COL4A5: variants seen among roughly 807,000 people sequenced by gnomAD.
COL4A5 encodes the protein collagen type IV alpha 5 chain.
Under a neutral mutation model 130.2 loss-of-function variants are expected in COL4A5, and 26 were observed. The observed-to-expected ratio is 0.20, with a 90% CI of 0.15 to 0.28. The LOEUF (loss-of-function observed/expected upper bound fraction) is 0.28, where lower values mean the gene tolerates loss of function less well. Ranked by LOEUF, COL4A5 falls within the 10% of genes least tolerant of loss-of-function variation. The probability of loss-of-function intolerance (pLI) is 1.00; values close to 1 mark genes in which losing one functional copy is unlikely to be tolerated. For synonymous variants in COL4A5, 496 were observed against 439.6 expected (o/e 1.13, Z -1.60); for missense variants, 1,131 against 1,344.3 (o/e 0.84, Z 2.48).
chrX:108,569,029 G>A, intron 6 of COL4A5: 1 of 390,502 alleles, frequency 2.6e-6, no homozygotes, highest in Non-Finnish European at 4.5e-6. Flanking sequence ...ATATTGCATT[G>A]GGTTAAAGAT....
At chrX:108,597,146 A>G in intron 23 of COL4A5, 78 bp downstream of exon 23, 2 of 838,965 alleles carry the variant, frequency 2.4e-6, no homozygotes, top group African/African-American at 2.0e-5. Context: ...TTATTCATAT[A>G]TATACACACA....
At chrX:108,546,112 A>C (rs1312339203) in intron 2 of COL4A5, among the ~76,000 whole-genome samples, 2 of 111,691 alleles carry the variant, frequency 1.8e-5, no homozygotes, top group Admixed American at 1.9e-4. Context: ...ATTTACATTC[A>C]ATGTTAATAT....
intron 42 of COL4A5, among the ~76,000 whole-genome samples, chrX:108,672,345 A>G (rs1402363107): frequency 8.9e-6 from 1 of 112,060 alleles, no homozygotes; most frequent in Non-Finnish European, 1.9e-5. Context: ...ACTATAATAT[A>G]TTCAAAGAAG....
chrX:108,587,378 C>T (rs2066354409), intron 19 of COL4A5, among the ~76,000 whole-genome samples: 1 of 110,817 alleles, frequency 9.0e-6, no homozygotes, highest in African/African-American at 3.3e-5. Context: ...TTGTATTTGC[C>T]TTTCTGTGCC....
intron 36 of COL4A5, among the ~76,000 whole-genome samples, chrX:108,653,331 C>G (rs2067769177): frequency 9.1e-6 from 1 of 109,979 alleles, no homozygotes; most frequent in African/African-American, 3.3e-5. Context: ...CGTTGGATGC[C>G]TGAACCTGTG....
intron 1 of COL4A5, among the ~76,000 whole-genome samples, chrX:108,469,171 T>TC (rs1165754049): frequency 2.0e-5 from 2 of 98,986 alleles, no homozygotes; most frequent in Non-Finnish European, 4.1e-5. Context: ...CTCTCTCTCT[T>TC]TTTTTTTTTT....
At chrX:108,647,176 T>C (rs2067612862) in intron 36 of COL4A5, among the ~76,000 whole-genome samples, 1 of 110,956 alleles carries the variant, frequency 9.0e-6, no homozygotes, top group Non-Finnish European at 1.9e-5. Context: ...TTGGGCAGTA[T>C]GGCCATTTTC....
chrX:108,687,554 C>G lies in COL4A5; in HGVS notation c.4388C>G (p.Ser1463Cys), dbSNP rs1423271363. The part of the protein sequence containing the change: ...QGPPGPPGTS[S>C]VAHGFLITRH... ...CCCCCAGGTCCCCCTGGAACCTCCTCTGTTGCACATGGATTTCTTATTACA... is the reference window on the plus strand; with the variant it reads ...CCCCCAGGTCCCCCTGGAACCTCCTGTGTTGCACATGGATTTCTTATTACA... Residue 1463 changes from serine (S) to cysteine (C), a missense_variant, in exon 49 of 53, where the codon TCT becomes TGT. By Grantham distance (112) the Ser-to-Cys change is moderately radical. Transcript: ENST00000328300. 3 of 1,211,811 alleles carry G rather than the reference C, an allele frequency of 2.5e-6. No homozygotes were observed. The highest frequency in any genetic ancestry group is 4.3e-5 in the Admixed American group (2 of 46,060).
intron 1 of COL4A5, chrX:108,462,678 C>T (rs1287004512): frequency 8.9e-6 from 1 of 112,961 alleles, no homozygotes; most frequent in African/African-American, 3.2e-5. Flanking sequence ...GCTGGGATTA[C>T]AGGCCTGAGC....
intron 29 of COL4A5, among the ~76,000 whole-genome samples, chrX:108,607,094 C>T (rs770754855): frequency 5.4e-5 from 6 of 110,736 alleles, no homozygotes; most frequent in African/African-American, 2.0e-4. Context: ...TGGCCCGGCA[C>T]GGTGGCTCAC....
intron 47 of COL4A5, among the ~76,000 whole-genome samples, chrX:108,685,496 G>T (rs763375390): frequency 5.3e-5 from 6 of 112,404 alleles, no homozygotes; most frequent in African/African-American, 1.9e-4. Flanking sequence ...ATGCATTTAA[G>T]ATCTGGTGCT....
intron 1 of COL4A5, among the ~76,000 whole-genome samples, chrX:108,450,348 C>T (rs968881593): frequency 3.3e-4 from 37 of 111,678 alleles, no homozygotes; most frequent in Non-Finnish European, 2.6e-4. Flanking sequence ...CCTGCTTCAG[C>T]CCCCCAAAGA....
chrX:108,656,109 C>T (rs1289662042), intron 37 of COL4A5, among the ~76,000 whole-genome samples: 1 of 111,617 alleles, frequency 9.0e-6, no homozygotes, highest in East Asian at 2.8e-4. Context: ...TTTGAATTGA[C>T]CATATGTATC....
In COL4A5 at chrX:108,508,557, CAAAAAAAAAAA is replaced by C. The variant is rs1182036182; in HGVS notation, c.82-31175_82-31165del. On this transcript the variant is annotated intron_variant, in intron 1 of 52. Transcript: ENST00000328300. The stretch of plus-strand genomic sequence containing the variant: ...AACTAGTTTTAAATTCATGTAGGAC[CAAAAAAAAAAA>C]AAAAAAAAAAAAAGACAAGAAAGAG... Among the ~76,000 whole-genome samples, 10 of 38,181 alleles carry C rather than the reference CAAAAAAAAAAA, an allele frequency of 2.6e-4. No individual in the cohort carries two copies. In the Admixed American group the frequency reaches 3.0e-3, roughly 11 times the overall value. The allele number at this position is 38,181 out of a possible 115,157, so 33.2% of individuals were successfully genotyped here.
chrX:108,575,768 C>T (rs1421851612), intron 9 of COL4A5, 142 bp from the exon 10 acceptor site: 3 of 452,392 alleles, frequency 6.6e-6, no homozygotes, highest in African/African-American at 4.9e-5. Flanking sequence ...ACCCAGGAGG[C>T]GGAGGTCGCA....
intron 6 of COL4A5, among the ~76,000 whole-genome samples, chrX:108,569,894 C>A (rs1330274156): frequency 2.7e-5 from 3 of 110,898 alleles, no homozygotes; most frequent in Non-Finnish European, 5.7e-5. Flanking sequence ...GTTGGTCAGG[C>A]TGGTCTCGAA....
intron 52 of COL4A5, 55 bp downstream of exon 52, chrX:108,695,494 G>A: frequency 1.8e-6 from 2 of 1,089,214 alleles, no homozygotes; most frequent in South Asian, 1.9e-5. Context: ...AGATGCTAGG[G>A]AAGAAAGAGA....
At chrX:108,583,878 A>G (rs987103385) in intron 17 of COL4A5, among the ~76,000 whole-genome samples, 1 of 109,846 alleles carries the variant, frequency 9.1e-6, no homozygotes, top group Admixed American at 9.7e-5. Flanking sequence ...TGTTGTAGCT[A>G]CTAATCAAGG....
At chrX:108,537,361 A>G (rs1209271252) in intron 1 of COL4A5, among the ~76,000 whole-genome samples, 2 of 112,116 alleles carry the variant, frequency 1.8e-5, no homozygotes, top group Non-Finnish European at 3.8e-5. Flanking sequence ...TCTATAATTC[A>G]CAACTGTTTT....
Sources: allele counts gnomAD v4.1 joint callset (sites outside exome capture counted in the v4.1 genomes callset), GRCh38; gene constraint gnomAD v4.1.1; transcripts MANE v1.5; gene names NCBI Gene and HGNC (gene_info 2026-07-23, HGNC 2026-07-21).